Variants in AGAP1 observed in about 807,000 individuals in gnomAD.
The protein encoded by AGAP1 is arf-GAP with GTPase, ANK repeat and PH domain-containing protein 1.
A neutral mutation model predicts 105.3 loss-of-function variants in AGAP1; 29 were observed. The ratio of observed to expected loss-of-function variants is 0.28; its 90% CI spans 0.21 to 0.38. The LOEUF (loss-of-function observed/expected upper bound fraction) is 0.38, where lower values mean the gene tolerates loss of function less well. AGAP1 is among the 10% of genes least tolerant of loss of function. The pLI, the probability that AGAP1 is intolerant of heterozygous loss-of-function variation, is 1.00. For synonymous variants in AGAP1, 509 were observed against 485.9 expected (o/e 1.05, Z -0.63); for missense variants, 998 against 1,165.1 (o/e 0.86, Z 2.09).
chr2:235,569,761 T>C lies in AGAP1; in HGVS notation c.163+74912T>C, dbSNP rs889073505. ...GTCTTTCTATGGAACCTGTAGGTTC[T>C]GAGACCGAGCCTTGGGTAGTTTTTA... On this transcript the variant is annotated intron_variant, in intron 1 of 17. Transcript: ENST00000304032. This position sits in a 1 kb window ranked among gnomAD's most constrained non-coding sequence, Gnocchi z 5.9. 1.3e-5 allele frequency among the ~76,000 whole-genome samples: 2 copies of C among 152,246 alleles called. No homozygotes were observed. The highest frequency in any genetic ancestry group is 4.8e-5 in the African/African-American group (2 of 41,462).
At chr2:235,735,497 A>C (rs940595761) in intron 3 of AGAP1, among the ~76,000 whole-genome samples, 1 of 152,124 alleles carries the variant, frequency 6.6e-6, no homozygotes, top group Non-Finnish European at 1.5e-5. Flanking sequence ...CAGCACCCCA[A>C]ATTTAAAACT....
At chr2:235,686,641 ATATAGATATATATATATATATATAT>A (rs1949436547) in intron 1 of AGAP1, among the ~76,000 whole-genome samples, 5 of 42,654 alleles carry the variant, frequency 1.2e-4, no homozygotes, top group African/African-American at 6.1e-4. Context: ...ATATATATAT[ATATAGATATATATATATATATATAT>A]TTTTTTTTTT....
In AGAP1 at chr2:235,866,230, G is replaced by A. The variant is rs2106538547; in HGVS notation, c.1051-17115G>A. ...CTGAGACTAGGAGTATCTATAACTT[G>A]GTGTGGTTATTCTTGCAGGTTGAGC... On this transcript the variant is annotated intron_variant, in intron 9 of 17. Coordinates refer to ENST00000304032, the MANE Select transcript of AGAP1 (RefSeq NM_001037131.3). This position sits in a 1 kb window ranked among gnomAD's most constrained non-coding sequence, Gnocchi z 6.1. Among the ~76,000 whole-genome samples, 1 of 152,254 alleles carries A rather than the reference G, an allele frequency of 6.6e-6. No individual in the cohort carries two copies. Among genetic ancestry groups the A allele is most frequent in the South Asian group, 2.1e-4 (1 of 4,804 alleles).
chr2:235,768,993 A>G (rs72975300), intron 6 of AGAP1, among the ~76,000 whole-genome samples: 1,741 of 152,328 alleles, frequency 0.011, 20 homozygotes, highest in Non-Finnish European at 0.02. Flanking sequence ...AAATATTCCA[A>G]TAATTATACC....
intron 1 of AGAP1, among the ~76,000 whole-genome samples, chr2:235,495,144 G>T (rs1337891574): frequency 6.6e-6 from 1 of 152,176 alleles, no homozygotes; most frequent in East Asian, 1.9e-4. Context: ...CTGCCGGAGC[G>T]TCCCGGCCCA....
At position 236,014,677 on chromosome 2, in the gene AGAP1, G is replaced by A. The variant is rs554888592; in HGVS notation, c.1646-21884G>A. The A allele has an allele frequency of 5.5e-5, 19 of 347,456 alleles. No individual in the cohort carries two copies. Among genetic ancestry groups the A allele is most frequent in the Non-Finnish European group, 1.0e-4 (17 of 170,168 alleles). The allele number at this position is 347,456 out of a possible 1,614,324, so 21.5% of individuals were successfully genotyped here. ...GAGCTCCATGGCACCCACCCGCTTC[G>A]CGCAGACAGCTCGGAGGCAACGTCA... On this transcript the variant is annotated intron_variant, in intron 13 of 17. Coordinates refer to ENST00000304032, the MANE Select transcript of AGAP1 (RefSeq NM_001037131.3). The surrounding 1 kb of genome is among the most constrained non-coding windows in gnomAD (Gnocchi z 6.3).
chr2:236,004,591 T>C (rs985073124), intron 13 of AGAP1, among the ~76,000 whole-genome samples: 1 of 152,218 alleles, frequency 6.6e-6, no homozygotes, highest in Non-Finnish European at 1.5e-5. Context: ...ATAAAATATA[T>C]GGAGACAGCA....
chr2:235,566,945 C>T lies in AGAP1; in HGVS notation c.163+72096C>T, dbSNP rs1224934223. ...CCTAGCCTTTTCCGGCCTCTGGTGGCCCCTGGCAATCCTTGGTGTCCCATC... is the reference window on the plus strand; with the variant it reads ...CCTAGCCTTTTCCGGCCTCTGGTGGTCCCTGGCAATCCTTGGTGTCCCATC... On this transcript the variant is annotated intron_variant, in intron 1 of 17. Coordinates refer to ENST00000304032, the MANE Select transcript of AGAP1 (RefSeq NM_001037131.3). The surrounding 1 kb of genome is among the most constrained non-coding windows in gnomAD (Gnocchi z 5.2). Among the ~76,000 whole-genome samples the T allele has an allele frequency of 5.3e-5, 8 of 152,188 alleles. No homozygotes were observed. Among genetic ancestry groups the T allele is most frequent in the Admixed American group, 4.6e-4 (7 of 15,286 alleles).
intron 6 of AGAP1, among the ~76,000 whole-genome samples, chr2:235,791,826 T>G (rs925966164): frequency 6.6e-6 from 1 of 152,184 alleles, no homozygotes; most frequent in Non-Finnish European, 1.5e-5. Flanking sequence ...GGATTACAGG[T>G]GTGAGCCAGC....
chr2:235,690,283 G>A lies in AGAP1; in HGVS notation c.164-18896G>A, dbSNP rs370713209. On this transcript the variant is annotated intron_variant, in intron 1 of 17. Coordinates refer to ENST00000304032, the MANE Select transcript of AGAP1 (RefSeq NM_001037131.3). The surrounding 1 kb of genome is among the most constrained non-coding windows in gnomAD (Gnocchi z 4.1). ...TAAAAGGGACTCTGACCCTCCCTCCGCACCCCACCCTTTAAAGGTGAAAGC... is the reference window on the plus strand; with the variant it reads ...TAAAAGGGACTCTGACCCTCCCTCCACACCCCACCCTTTAAAGGTGAAAGC... Among the ~76,000 whole-genome samples the A allele has an allele frequency of 1.3e-5, 2 of 151,950 alleles. No individual in the cohort carries two copies. Among genetic ancestry groups the A allele is most frequent in the East Asian group, 1.9e-4 (1 of 5,160 alleles).
In AGAP1 at chr2:235,551,053, C is replaced by T. The variant is rs1287446390; in HGVS notation, c.163+56204C>T. On this transcript the variant is annotated intron_variant, in intron 1 of 17. Coordinates refer to ENST00000304032, the MANE Select transcript of AGAP1 (RefSeq NM_001037131.3). This position sits in a 1 kb window ranked among gnomAD's most constrained non-coding sequence, Gnocchi z 4.8. ...CCTCTGAAAGTGCTGGGATTACAGG[C>T]GTGAGCCACCGCGCTCGGCCATAGA... is the stretch of plus-strand genomic sequence containing the variant. Among the ~76,000 whole-genome samples the T allele has an allele frequency of 1.3e-5, 2 of 152,164 alleles. No individual in the cohort carries two copies. Among genetic ancestry groups the T allele is most frequent in the African/African-American group, 2.4e-5 (1 of 41,454 alleles).
In AGAP1 at chr2:235,817,493, A is replaced by G. The variant is rs1202440064; in HGVS notation, c.1050+10162A>G. ...GAATTTACTTTTAACTGACTCACTGAAGGCCATGTTTTGAAACCAAAACAC... is the reference window on the plus strand; with the variant it reads ...GAATTTACTTTTAACTGACTCACTGGAGGCCATGTTTTGAAACCAAAACAC... On this transcript the variant is annotated intron_variant, in intron 9 of 17. Coordinates refer to ENST00000304032, the MANE Select transcript of AGAP1 (RefSeq NM_001037131.3). 2.6e-5 allele frequency among the ~76,000 whole-genome samples: 4 copies of G among 152,032 alleles called. 1 individual carries two copies. Among genetic ancestry groups the G allele is most frequent in the African/African-American group, 9.7e-5 (4 of 41,400 alleles).
At chr2:236,097,149 G>A (rs2059210714) in intron 16 of AGAP1, among the ~76,000 whole-genome samples, 1 of 151,982 alleles carries the variant, frequency 6.6e-6, no homozygotes. Context: ...TTCAGCATTT[G>A]GGATTATGGT....
At position 236,003,036 on chromosome 2, in the gene AGAP1, TACTC is replaced by T. The variant is rs999575575; in HGVS notation, c.1646-33522_1646-33519del. ...CTAACACAGAAGTAAGTTAGAAAAT[TACTC>T]ACGTATTCGCCCACTGTGTGCCAAC... On this transcript the variant is annotated intron_variant, in intron 13 of 17. Coordinates refer to ENST00000304032, the MANE Select transcript of AGAP1 (RefSeq NM_001037131.3). This position sits in a 1 kb window ranked among gnomAD's most constrained non-coding sequence, Gnocchi z 4.2. Among the ~76,000 whole-genome samples the T allele has an allele frequency of 6.6e-6, 1 of 151,810 alleles. No individual in the cohort carries two copies. Among genetic ancestry groups the T allele is most frequent in the Non-Finnish European group, 1.5e-5 (1 of 68,008 alleles).
At chr2:235,567,688 G>A (rs1297124422) in intron 1 of AGAP1, among the ~76,000 whole-genome samples, 1 of 151,382 alleles carries the variant, frequency 6.6e-6, no homozygotes, top group Non-Finnish European at 1.5e-5. Context: ...TGGGGAGAAG[G>A]GGCTGCAGGG....
intron 1 of AGAP1, among the ~76,000 whole-genome samples, chr2:235,590,437 C>T (rs542910773): frequency 2.0e-5 from 3 of 152,094 alleles, no homozygotes; most frequent in East Asian, 1.9e-4. Flanking sequence ...GCCTGAGCTC[C>T]GCGAGGCTGG....
intron 9 of AGAP1, among the ~76,000 whole-genome samples, chr2:235,850,349 T>C (rs1212426955): frequency 1.3e-5 from 2 of 152,252 alleles, no homozygotes; most frequent in Non-Finnish European, 2.9e-5. Context: ...CCAATCTTGC[T>C]CTACTAATGC....
chr2:236,011,505 T>G (rs1054494852), intron 13 of AGAP1, among the ~76,000 whole-genome samples: 5 of 152,224 alleles, frequency 3.3e-5, no homozygotes, highest in Non-Finnish European at 7.3e-5. Flanking sequence ...TGTGAAACTC[T>G]GTTTACCAAA....
chr2:235,744,712 G>T lies in AGAP1; in HGVS notation c.411G>T (p.Val137=). ...GPPEAQFAMW[V]DAVIFVFSLE... is the part of the protein sequence containing the mutation. ...TCTCTCCCTAGTTTGCCATGTGGGT[G>T]GACGCTGTTATATTTGTCTTCAGCT... The change falls in exon 5 of 18, where the codon GTG becomes GTT. Residue 137 remains valine, a synonymous_variant. Coordinates refer to ENST00000304032, the MANE Select transcript of AGAP1 (RefSeq NM_001037131.3). This position sits in a 1 kb window ranked among gnomAD's most constrained non-coding sequence, Gnocchi z 5.2. 1 of 1,613,944 alleles carries T rather than the reference G, an allele frequency of 6.2e-7. No individual in the cohort carries two copies. The highest frequency in any genetic ancestry group is 1.1e-5 in the South Asian group (1 of 91,070).
Sources: gnomAD v4.1 joint callset for allele counts (sites outside exome capture counted in the v4.1 genomes callset) on GRCh38, gnomAD v4.1.1 for gene constraint, Gnocchi (gnomAD v3.1) non-coding constraint, MANE v1.5 for transcripts, NCBI Gene and HGNC (gene_info 2026-07-23, HGNC 2026-07-21) for gene names.